DPH6: variants seen among roughly 807,000 people sequenced by gnomAD.
DPH6 encodes diphthine--ammonia ligase.
A neutral mutation model predicts 38.2 loss-of-function variants in DPH6; 33 were observed. That is an observed-to-expected ratio of 0.86 (90% confidence interval 0.65 to 1.15). The LOEUF (loss-of-function observed/expected upper bound fraction) is 1.15. DPH6 is among the 50% of genes most tolerant of loss of function. The pLI, the probability that DPH6 is intolerant of heterozygous loss-of-function variation, is 0.00. For missense variants in DPH6, 325 were observed against 320.0 expected (o/e 1.02, Z -0.12); for synonymous variants, 108 against 103.0 (o/e 1.05, Z -0.30).
the DPH6 span, among the ~76,000 whole-genome samples, chr15:35,206,298 G>GT: frequency 6.6e-6 from 1 of 152,098 alleles, no homozygotes; most frequent in African/African-American, 2.4e-5. Context: ...TCAAATGACT[G>GT]AATTCCAAAT....
intron 3 of DPH6, among the ~76,000 whole-genome samples, chr15:35,295,584 G>T (rs962727199): frequency 6.6e-6 from 1 of 152,016 alleles, no homozygotes; most frequent in Non-Finnish European, 1.5e-5. Flanking sequence ...TCCACATCTA[G>T]GTAGATAATC....
At chr15:35,499,313 T>TCCTTCCTTCTTTCCC (rs1313578734) in intron 3 of DPH6, among the ~76,000 whole-genome samples, 2 of 152,194 alleles carry the variant, frequency 1.3e-5, no homozygotes, top group African/African-American at 4.8e-5. Context: ...GAGGGATTCT[T>TCCTTCCTTCTTTCCC]CCTTCCTTCT....
At chr15:35,262,705 C>CAAAGAAAAAAAA (rs2051756220) in intron 3 of DPH6, among the ~76,000 whole-genome samples, 1 of 82,632 alleles carries the variant, frequency 1.2e-5, no homozygotes, top group African/African-American at 6.4e-5. Flanking sequence ...GACTCCGTCT[C>CAAAGAAAAAAAA]AAAAAAAAAA....
intron 5 of DPH6, among the ~76,000 whole-genome samples, chr15:35,436,514 C>CAAAAAAAAAAAAAAAAAAAAAAAA (rs1277172991): frequency 8.1e-6 from 1 of 123,200 alleles, no homozygotes; most frequent in African/African-American, 3.3e-5. Context: ...CAAAACAAAA[C>CAAAAAAAAAAAAAAAAAAAAAAAA]AAAAAAGGTT....
chr15:35,314,402 T>C (rs1444912575), intron 3 of DPH6, among the ~76,000 whole-genome samples: 2 of 152,220 alleles, frequency 1.3e-5, no homozygotes, highest in Non-Finnish European at 2.9e-5. Context: ...ATGGAAATGA[T>C]GTTAAACAAA....
intron 5 of DPH6, among the ~76,000 whole-genome samples, chr15:35,431,512 A>T (rs1200641408): frequency 6.6e-6 from 1 of 152,146 alleles, no homozygotes; most frequent in Admixed American, 6.5e-5. Context: ...ATAATCAAAT[A>T]AAGAAGTGCT....
At chr15:35,451,958 C>G (rs2053940439) in intron 4 of DPH6, among the ~76,000 whole-genome samples, 1 of 152,100 alleles carries the variant, frequency 6.6e-6, no homozygotes, top group South Asian at 2.1e-4. Flanking sequence ...TGCCGTAAGC[C>G]GAGATTGCGC....
At chr15:35,493,991 G>A (rs2054516572) in intron 3 of DPH6, among the ~76,000 whole-genome samples, 1 of 151,994 alleles carries the variant, frequency 6.6e-6, no homozygotes, top group African/African-American at 2.4e-5. Flanking sequence ...GGAACCAACT[G>A]CCCAGATTCA....
chr15:35,407,108 A>G (rs550321699), intron 6 of DPH6, among the ~76,000 whole-genome samples: 63 of 152,160 alleles, frequency 4.1e-4, no homozygotes, highest in African/African-American at 1.5e-3. Context: ...CCAGAAAGAC[A>G]GGAGCTGAAA....
At chr15:35,411,970 C>G (rs2053372444) in intron 5 of DPH6, among the ~76,000 whole-genome samples, 1 of 151,474 alleles carries the variant, frequency 6.6e-6, no homozygotes, top group African/African-American at 2.4e-5. Context: ...GATACCTCAC[C>G]AAAAGCACGA....
chr15:35,190,257 A>C, the DPH6 span, among the ~76,000 whole-genome samples: 1 of 152,248 alleles, frequency 6.6e-6, no homozygotes, highest in African/African-American at 2.4e-5. Flanking sequence ...CGATTTATCA[A>C]GACAGAGGAC....
chr15:35,311,604 G>A (rs931273065), intron 3 of DPH6, among the ~76,000 whole-genome samples: 2 of 152,174 alleles, frequency 1.3e-5, no homozygotes, highest in African/African-American at 4.8e-5. Flanking sequence ...TACACACAGA[G>A]AGCGAGAGAG....
downstream of DPH6, among the ~76,000 whole-genome samples, chr15:35,212,358 A>G (rs933398063): frequency 6.6e-6 from 1 of 152,176 alleles, no homozygotes; most frequent in African/African-American, 2.4e-5. Flanking sequence ...ACCTGAGTAG[A>G]TGGAAGAGTG....
chr15:35,501,416 A>G (rs944018456), intron 3 of DPH6, among the ~76,000 whole-genome samples: 17 of 152,348 alleles, frequency 1.1e-4, no homozygotes, highest in African/African-American at 7.2e-5. Flanking sequence ...TCTGACAAGT[A>G]TAACTTTTTC....
At position 35,395,037 on chromosome 15, in the gene DPH6, A is replaced by G. The variant is rs376370849; in HGVS notation, c.568-13121T>C. 1.2e-4 allele frequency among the ~76,000 whole-genome samples: 19 copies of G among 152,312 alleles called. 4 individuals are homozygous for G. The highest frequency in any genetic ancestry group is 2.0e-4 in the Admixed American group (3 of 15,302). On this transcript the variant is annotated intron_variant, in intron 6 of 8. Coordinates refer to ENST00000256538, the MANE Select transcript of DPH6 (RefSeq NM_080650.4). ...TAAAAGACATGTGCCTTTGGTTTAT[A>G]TGTTATAATCTGAAATTAAATATGT... is the stretch of plus-strand genomic sequence containing the variant.
At chr15:35,382,106 T>C (rs2052875431) in intron 6 of DPH6, among the ~76,000 whole-genome samples, 190 bp from the exon 7 acceptor site, 2 of 152,092 alleles carry the variant, frequency 1.3e-5, no homozygotes, top group African/African-American at 4.8e-5. Context: ...TCATAAGGCA[T>C]AGGATCCCCA....
Position 35,463,131 on chromosome 15 carries a change from T to G in DPH6, c.313-8311A>C, listed in dbSNP as rs560918356. On this transcript the variant is annotated intron_variant, in intron 3 of 8. Transcript: ENST00000256538. The stretch of plus-strand genomic sequence containing the variant: ...AATTAGATACTTTTTGTCAAACAGA[T>G]ATATACGAGTATGTGCGTGTGTGTG... Among the ~76,000 whole-genome samples the G allele has an allele frequency of 1.5e-3, 230 of 152,238 alleles. 1 individual carries two copies. The highest frequency in any genetic ancestry group is 2.7e-3 in the Non-Finnish European group (184 of 68,004).
chr15:35,475,693 A>C (rs1413165684), intron 3 of DPH6, among the ~76,000 whole-genome samples: 2 of 151,904 alleles, frequency 1.3e-5, no homozygotes, highest in African/African-American at 4.8e-5. Context: ...GTATTACATT[A>C]ATAGTTTAAT....
chr15:35,371,759 C>T lies in DPH6; in HGVS notation c.*391G>A, dbSNP rs971152448. 2 of 988,844 alleles carry T rather than the reference C, an allele frequency of 2.0e-6. No homozygotes were observed. The highest frequency in any genetic ancestry group is 1.7e-5 in the African/African-American group (1 of 57,228). 61.3% of individuals were successfully genotyped at this position (988,844 alleles called of 1,614,324 possible). A position where few individuals can be genotyped will look rare whatever the true frequency, so the allele number is the denominator to read the frequency against. On this transcript the variant is annotated 3_prime_UTR_variant, in exon 9 of 9. Coordinates refer to ENST00000256538, the MANE Select transcript of DPH6 (RefSeq NM_080650.4). Reference sequence around the variant, plus strand: ...CTAAATAAAGTGACCATCTTTTCATCTTCATTTTCAAATGCCTCTGCATCA... The same window carrying T: ...CTAAATAAAGTGACCATCTTTTCATTTTCATTTTCAAATGCCTCTGCATCA...
Sources: gnomAD v4.1 joint callset for allele counts (sites outside exome capture counted in the v4.1 genomes callset) on GRCh38, gnomAD v4.1.1 for gene constraint, MANE v1.5 for transcripts, NCBI Gene and HGNC (gene_info 2026-07-23, HGNC 2026-07-21) for gene names.